The following FAM83F variants were observed in gnomAD, a reference collection of about 807,000 sequenced individuals.
The protein encoded by FAM83F is scaffolding CK1 anchoring protein F.
In FAM83F, 45 loss-of-function variants were observed where a neutral mutation model predicts 42.9. The ratio of observed to expected loss-of-function variants is 1.05; its 90% CI spans 0.83 to 1.35. FAM83F has a LOEUF of 1.35. Among genes scored for constraint, FAM83F ranks in the 40% most tolerant of loss-of-function variants. FAM83F has a pLI of 0.00. For synonymous variants in FAM83F, 306 were observed against 298.3 expected, an observed-to-expected ratio of 1.03 and a Z score of -0.27; for missense variants, 617 against 695.9, an observed-to-expected ratio of 0.89 and a Z score of 1.28.
At chr22:40,029,490 C>T (rs980838597) in intron 4 of FAM83F, 26 bp from the exon 5 acceptor site, 3 of 1,604,600 alleles carry the variant, frequency 1.9e-6, no homozygotes, top group Non-Finnish European at 2.6e-6. Context: ...TACATCCTTC[C>T]CCGCCTCTGT....
rs527445900 is a variant in FAM83F, at chr22:40,017,685, C to T, written c.490-1483C>T. Among the ~76,000 whole-genome samples, 5 of 152,300 alleles carry T rather than the reference C, an allele frequency of 3.3e-5. No homozygotes were observed. In the East Asian group the frequency reaches 9.6e-4, roughly 29 times the overall value. ...GGTCTGCCTGACTTTAGAGTCGGTGCTTTCAGTTTTGAAGGCAAACCGACT... is the reference window on the plus strand; with the variant it reads ...GGTCTGCCTGACTTTAGAGTCGGTGTTTTCAGTTTTGAAGGCAAACCGACT... On this transcript the variant is annotated intron_variant, in intron 1 of 4. Coordinates refer to ENST00000333407, the MANE Select transcript of FAM83F (RefSeq NM_138435.4).
At chr22:40,024,355 A>T (rs1213140897) in intron 4 of FAM83F, among the ~76,000 whole-genome samples, 1 of 152,194 alleles carries the variant, frequency 6.6e-6, no homozygotes, top group Non-Finnish European at 1.5e-5. Context: ...CACCATGGCC[A>T]AGTGGGGCTG....
Position 40,021,021 on chromosome 22 carries a change from C to T in FAM83F, c.780-269C>T, listed in dbSNP as rs137949378. Among the ~76,000 whole-genome samples the T allele has an allele frequency of 7.7e-3, 1,166 of 152,340 alleles. 8 individuals are homozygous for T. Among genetic ancestry groups the T allele is most frequent in the Non-Finnish European group, 0.012 (850 of 68,032 alleles). ...GTCCTGGGAGCCCCAGCTTACAAGG[C>T]ACATGAGAATATAAACCAGGTTTAA... On this transcript the variant is annotated intron_variant, in intron 3 of 4. Transcript: ENST00000333407. This position sits in a 1 kb window ranked among gnomAD's most constrained non-coding sequence, Gnocchi z 8.7.
intron 1 of FAM83F, chr22:39,998,827 G>T (rs2067383449): frequency 6.6e-6 from 1 of 152,206 alleles, no homozygotes; most frequent in Admixed American, 6.6e-5. Flanking sequence ...ACCCAAAAAT[G>T]ATCTCCTGAC....
chr22:40,000,024 C>T (rs12373990), intron 1 of FAM83F, among the ~76,000 whole-genome samples: 11,056 of 152,314 alleles, frequency 0.073, 561 homozygotes, highest in Non-Finnish European at 0.11. Context: ...GGCTTACTCT[C>T]TCAGTTTCCT....
Position 40,034,168 on chromosome 22 carries a change from G to A in FAM83F, c.*4603G>A, listed in dbSNP as rs2067606782. On this transcript the variant is annotated 3_prime_UTR_variant, in exon 5 of 5. Coordinates refer to ENST00000333407, the MANE Select transcript of FAM83F (RefSeq NM_138435.4). The stretch of plus-strand genomic sequence containing the variant: ...CACATTCTCAGTGAACATTGACAAA[G>A]CCCCCTTAGCAGCTAATTAGCCCTG... 6.6e-6 allele frequency: 1 copy of A among 152,204 alleles called. No individual in the cohort carries two copies. The allele number at this position is 152,204 out of a possible 1,614,324, so 9.4% of individuals were successfully genotyped here.
In FAM83F at chr22:40,038,522, T is replaced by C. The variant is rs1206724371; in HGVS notation, c.*8957T>C. 2 of 152,272 alleles carry C rather than the reference T, an allele frequency of 1.3e-5. No homozygotes were observed. The highest frequency in any genetic ancestry group is 4.2e-4 in the South Asian group (2 of 4,810). 9.4% of individuals were successfully genotyped at this position (152,272 alleles called of 1,614,324 possible). A position where few individuals can be genotyped will look rare whatever the true frequency, so the allele number is the denominator to read the frequency against. On this transcript the variant is annotated 3_prime_UTR_variant, in exon 5 of 5. Coordinates refer to ENST00000333407, the MANE Select transcript of FAM83F (RefSeq NM_138435.4). ...AAGTTTTTCCTCTGGCCTTGTAGGA[T>C]TGGTTATTACTGAGCCTGGAGTACG...
intron 1 of FAM83F, among the ~76,000 whole-genome samples, chr22:40,014,944 T>A (rs1045853990): frequency 1.3e-5 from 2 of 152,156 alleles, no homozygotes; most frequent in African/African-American, 2.4e-5. Context: ...GTTGTGAGGA[T>A]CAGATTAGAA....
chr22:39,995,003 GCGGGGCCGGGGC>G lies in FAM83F; in HGVS notation c.-38_-27del, dbSNP rs1046308112. On this transcript the variant is annotated 5_prime_UTR_variant, in exon 1 of 5. Coordinates refer to ENST00000333407, the MANE Select transcript of FAM83F (RefSeq NM_138435.4). The surrounding 1 kb of genome is among the most constrained non-coding windows in gnomAD (Gnocchi z 4.6). ...TGCGGCTGTGGGACCTCGGACCGCG[GCGGGGCCGGGGC>G]CAGGGCCGGGGCCGGGGCCGGGGCG... The G allele has an allele frequency of 1.7e-6, 2 of 1,209,168 alleles. No individual in the cohort carries two copies. The highest frequency in any genetic ancestry group is 2.0e-6 in the Non-Finnish European group (2 of 988,982). 74.9% of individuals were successfully genotyped at this position (1,209,168 alleles called of 1,614,324 possible). A position where few individuals can be genotyped will look rare whatever the true frequency, so the allele number is the denominator to read the frequency against.
chr22:40,018,508 G>A (rs1038868743), intron 1 of FAM83F, among the ~76,000 whole-genome samples: 12 of 152,020 alleles, frequency 7.9e-5, no homozygotes, highest in Admixed American at 7.2e-4. Context: ...GCACGATCTC[G>A]GCTAACTGCA....
chr22:40,019,681 T>A (rs898910228), intron 2 of FAM83F, among the ~76,000 whole-genome samples: 2 of 152,178 alleles, frequency 1.3e-5, no homozygotes, highest in African/African-American at 4.8e-5. Context: ...CCTGGGCTTG[T>A]CCATGCCTGA....
In FAM83F at chr22:40,021,960, T is replaced by C. The variant is rs201189104; in HGVS notation, c.1450T>C (p.Ser484Pro). 2.3e-4 allele frequency: 356 copies of C among 1,549,908 alleles called. No individual in the cohort carries two copies. The highest frequency in any genetic ancestry group is 1.9e-4 in the African/African-American group (14 of 72,546). ...RPNENSSADI[S>P]GKTSPSSAKP... ...CAACGAGAATTCCAGTGCTGACATC[T>C]CAGGTGAGCCCTCTTCCCTCTGGCC... Residue 484 changes from serine to proline, a missense_variant, in exon 4 of 5, where the codon TCA becomes CCA. Transcript: ENST00000333407. The surrounding 1 kb of genome is among the most constrained non-coding windows in gnomAD (Gnocchi z 8.7).
At chr22:40,005,801 G>A (rs1249113183) in intron 1 of FAM83F, among the ~76,000 whole-genome samples, 1 of 152,194 alleles carries the variant, frequency 6.6e-6, no homozygotes, top group Non-Finnish European at 1.5e-5. Flanking sequence ...TGCCAGTGTA[G>A]GGAGGGAGCC....
At chr22:40,011,719 A>G (rs2067465450) in intron 1 of FAM83F, among the ~76,000 whole-genome samples, 1 of 152,230 alleles carries the variant, frequency 6.6e-6, no homozygotes, top group African/African-American at 2.4e-5. Flanking sequence ...TCTGCTGTAA[A>G]ACATTCTATC....
intron 1 of FAM83F, among the ~76,000 whole-genome samples, chr22:40,009,486 G>A (rs536262065): frequency 6.6e-6 from 1 of 152,350 alleles, no homozygotes; most frequent in East Asian, 1.9e-4. Flanking sequence ...GAGTAGGAGA[G>A]AGCAGTTAGG....
intron 2 of FAM83F, 51 bp from the exon 3 acceptor site, chr22:40,019,836 C>T: frequency 1.9e-6 from 3 of 1,560,654 alleles, no homozygotes; most frequent in Non-Finnish European, 2.6e-6. Flanking sequence ...AAGGACCTGG[C>T]ACGGAGGCTG....
chr22:40,008,215 G>C (rs561138380), intron 1 of FAM83F, among the ~76,000 whole-genome samples: 3 of 152,356 alleles, frequency 2.0e-5, no homozygotes, highest in South Asian at 2.1e-4. Flanking sequence ...GCATTGAGCA[G>C]AGGAACGACA....
chr22:40,018,889 C>T (rs1419139220), intron 1 of FAM83F, among the ~76,000 whole-genome samples: 1 of 152,178 alleles, frequency 6.6e-6, no homozygotes, highest in Non-Finnish European at 1.5e-5. Flanking sequence ...TTGCCTGGCC[C>T]TGATACAGTT....
intron 1 of FAM83F, among the ~76,000 whole-genome samples, chr22:40,014,372 T>G (rs1348963993): frequency 6.6e-6 from 1 of 152,126 alleles, no homozygotes; most frequent in South Asian, 2.1e-4. Context: ...TCTCGCTTTA[T>G]TAAATACTTT....
Sources: allele counts gnomAD v4.1 joint callset (sites outside exome capture counted in the v4.1 genomes callset), GRCh38; gene constraint gnomAD v4.1.1; non-coding constraint Gnocchi (gnomAD v3.1); transcripts MANE v1.5; gene names NCBI Gene and HGNC (gene_info 2026-07-23, HGNC 2026-07-21).